The following DEPDC5 variants were observed in gnomAD, a reference collection of about 807,000 sequenced individuals.
The protein encoded by DEPDC5 is GATOR1 complex protein DEPDC5.
DEPDC5 carries 73 observed loss-of-function variants against 217.3 expected under a neutral mutation model. The observed-to-expected ratio is 0.34, with a 90% CI of 0.28 to 0.41. The LOEUF (loss-of-function observed/expected upper bound fraction) is 0.41. Ranked by LOEUF, DEPDC5 falls within the 10% of genes least tolerant of loss-of-function variation. DEPDC5 has a pLI of 1.00. For synonymous variants in DEPDC5, 733 were observed against 756.7 expected (o/e 0.97, Z 0.51); for missense variants, 1,675 against 2,070.1 (o/e 0.81, Z 3.70).
intron 7 of DEPDC5, among the ~76,000 whole-genome samples, chr22:31,771,504 G>A (rs140723971): frequency 0.015 from 2,262 of 151,160 alleles, 58 homozygotes; most frequent in African/African-American, 0.053. Flanking sequence ...GGCAGATCAC[G>A]AGATCAGGAG....
chr22:31,846,965 G>C lies in DEPDC5; in HGVS notation c.3153G>C (p.Gln1051His). 1 of 1,614,266 alleles carries C rather than the reference G, an allele frequency of 6.2e-7. No individual in the cohort carries two copies. Among genetic ancestry groups the C allele is most frequent in the Non-Finnish European group, 8.5e-7 (1 of 1,180,040 alleles). Residue 1051 changes from glutamine to histidine, a missense_variant and splice_region_variant, in exon 31 of 43, where the codon CAG (glutamine) becomes CAC (histidine). Coordinates refer to ENST00000651528, the MANE Select transcript of DEPDC5 (RefSeq NM_001242896.3). The stretch of plus-strand genomic sequence containing the variant: ...CCCTGTTGGAGATGGAGGCCAGTCA[G>C]AAGTAAGTGCTTGGTGGAAGACTGA... ...LSALLEMEASQKCLGEQQAAV... is the reference protein window; with the variant it reads ...LSALLEMEASHKCLGEQQAAV...
chr22:31,759,010 G>C (rs986817151), intron 3 of DEPDC5, among the ~76,000 whole-genome samples: 1 of 151,104 alleles, frequency 6.6e-6, no homozygotes, highest in Non-Finnish European at 1.5e-5. Context: ...CCAAGTGATT[G>C]TCCTGCCTCA....
At chr22:31,862,617 T>C (rs2092555556) in intron 33 of DEPDC5, among the ~76,000 whole-genome samples, 1 of 152,176 alleles carries the variant, frequency 6.6e-6, no homozygotes, top group Admixed American at 6.5e-5. Flanking sequence ...AAGAAAAAGT[T>C]GTTAGCTGGT....
chr22:31,778,055 GTT>G, intron 7 of DEPDC5, 42 bp from the exon 8 acceptor site: 1 of 1,608,144 alleles, frequency 6.2e-7, no homozygotes, highest in Non-Finnish European at 8.5e-7. Flanking sequence ...GCATGTATTG[GTT>G]TCATGTAAGA....
At chr22:31,788,359 G>A (rs984923126) in intron 10 of DEPDC5, among the ~76,000 whole-genome samples, 12 of 139,456 alleles carry the variant, frequency 8.6e-5, no homozygotes, top group African/African-American at 3.0e-4. Flanking sequence ...CTGCAGCCTT[G>A]ATCGCCTGGG....
chr22:31,817,060 G>A (rs1326628243), intron 21 of DEPDC5: 5 of 157,544 alleles, frequency 3.2e-5, no homozygotes, highest in African/African-American at 9.6e-5. Flanking sequence ...TCATTGTAAT[G>A]TGGAAATGGT....
intron 7 of DEPDC5, among the ~76,000 whole-genome samples, chr22:31,770,763 C>T (rs905494297): frequency 2.7e-5 from 4 of 149,788 alleles, no homozygotes; most frequent in African/African-American, 9.8e-5. Context: ...AGTGTAGTCC[C>T]TCGTTATAAA....
chr22:31,854,712 C>T (rs1316976130), intron 31 of DEPDC5, among the ~76,000 whole-genome samples: 1 of 152,106 alleles, frequency 6.6e-6, no homozygotes, highest in African/African-American at 2.4e-5. Flanking sequence ...AAAATTTGAC[C>T]AAAATCTGCC....
chr22:31,818,735 C>G (rs929261151), intron 21 of DEPDC5, among the ~76,000 whole-genome samples: 4 of 152,212 alleles, frequency 2.6e-5, no homozygotes. Context: ...TTGCTTCCAG[C>G]TCAAAGTTCA....
chr22:31,832,491 T>A (rs1227239743), intron 24 of DEPDC5, among the ~76,000 whole-genome samples: 1 of 152,080 alleles, frequency 6.6e-6, no homozygotes, highest in African/African-American at 2.4e-5. Context: ...TGCACTTTTT[T>A]TTTTTTTTCT....
At chr22:31,867,250 T>G (rs1272993760) in intron 33 of DEPDC5, among the ~76,000 whole-genome samples, 3 of 151,976 alleles carry the variant, frequency 2.0e-5, no homozygotes, top group Admixed American at 6.6e-5. Context: ...ATGCAACCCC[T>G]AAAATAAAAA....
At chr22:31,771,715 T>TCACGCACACA (rs1439519983) in intron 7 of DEPDC5, among the ~76,000 whole-genome samples, 1 of 78,050 alleles carries the variant, frequency 1.3e-5, no homozygotes, top group South Asian at 4.2e-4. Context: ...CAAGACTCCG[T>TCACGCACACA]CACACACACA....
chr22:31,797,768 G>T (rs2086416615), intron 13 of DEPDC5, 65 bp downstream of exon 13: 1 of 1,221,822 alleles, frequency 8.2e-7, no homozygotes, highest in East Asian at 2.3e-5. Flanking sequence ...CTGGGAGACA[G>T]AGAAGAGATG....
intron 37 of DEPDC5, among the ~76,000 whole-genome samples, chr22:31,877,966 T>A (rs2093052027): frequency 6.6e-6 from 1 of 151,808 alleles, no homozygotes; most frequent in African/African-American, 2.4e-5. Flanking sequence ...GGTGGGTGGA[T>A]CATGAGGTCA....
chr22:31,893,848 C>T (rs1341099219), intron 39 of DEPDC5, 97 bp downstream of exon 39: 1 of 1,319,646 alleles, frequency 7.6e-7, no homozygotes, highest in Admixed American at 3.4e-5. Flanking sequence ...TTTTTTAGTT[C>T]AGGCTCTTAT....
rs372130775 is a variant in DEPDC5, at chr22:31,817,094, A to ATCTT, written c.1666+1883_1666+1884insCTTT. ...GTACACATTGTTTCTGTAAAGTGACATATTTCTTTCTTTCTTTCTTTCTTT... is the reference window on the plus strand; with the variant it reads ...GTACACATTGTTTCTGTAAAGTGACATCTTTATTTCTTTCTTTCTTTCTTTCTTT... On this transcript the variant is annotated intron_variant, in intron 21 of 42. Coordinates refer to ENST00000651528, the MANE Select transcript of DEPDC5 (RefSeq NM_001242896.3). 1.2e-3 allele frequency: 190 copies of ATCTT among 157,366 alleles called. 6 individuals carry two copies. In the East Asian group the frequency reaches 0.019, roughly 16 times the overall value. The allele number at this position is 157,366 out of a possible 1,614,324, so 9.7% of individuals were successfully genotyped here. A position where few individuals can be genotyped will look rare whatever the true frequency, so the allele number is the denominator to read the frequency against.
chr22:31,902,584 C>T (rs2093671137), intron 41 of DEPDC5, among the ~76,000 whole-genome samples: 1 of 151,976 alleles, frequency 6.6e-6, no homozygotes, highest in Non-Finnish European at 1.5e-5. Context: ...GCAAGGGTGG[C>T]TGATTTCCTC....
chr22:31,832,206 G>A (rs2090655492), intron 24 of DEPDC5, among the ~76,000 whole-genome samples: 1 of 152,140 alleles, frequency 6.6e-6, no homozygotes, highest in Non-Finnish European at 1.5e-5. Flanking sequence ...CCAGGTTTTG[G>A]CAACTATGAA....
In DEPDC5 at chr22:31,822,711, G is replaced by A; in HGVS notation, c.2025G>A (p.Gln675=). 3 of 1,614,156 alleles carry A rather than the reference G, an allele frequency of 1.9e-6. No homozygotes were observed. The highest frequency in any genetic ancestry group is 2.2e-5 in the South Asian group (2 of 91,068). ...EAAGRHSNSR[Q]PGDGMSFLNF... ...TCTGCAGGCACAGCAATTCCCGCCAGCCTGGTGACGGCATGTCCTTCTTGA... is the reference window on the plus strand; with the variant it reads ...TCTGCAGGCACAGCAATTCCCGCCAACCTGGTGACGGCATGTCCTTCTTGA... The change falls in exon 24 of 43, where the codon CAG becomes CAA. Residue 675 remains glutamine, a synonymous_variant. Transcript: ENST00000651528.
Sources: allele counts gnomAD v4.1 joint callset (sites outside exome capture counted in the v4.1 genomes callset), GRCh38; gene constraint gnomAD v4.1.1; transcripts MANE v1.5; gene names NCBI Gene and HGNC (gene_info 2026-07-23, HGNC 2026-07-21).